FAM20C: variants seen among roughly 807,000 people sequenced by gnomAD.
FAM20C encodes the protein FAM20C golgi associated secretory pathway kinase.
FAM20C carries 40 observed loss-of-function variants against 51.5 expected under a neutral mutation model. The observed-to-expected ratio is 0.78, with a 90% CI of 0.60 to 1.01. The LOEUF (loss-of-function observed/expected upper bound fraction) is 1.01, where lower values mean the gene tolerates loss of function less well. Ranked by LOEUF, FAM20C falls within the 50% of genes least tolerant of loss-of-function variation. FAM20C has a pLI of 0.00. For synonymous variants in FAM20C, 406 were observed against 380.6 expected, an observed-to-expected ratio of 1.07 and a Z score of -0.78; for missense variants, 861 against 844.7, an observed-to-expected ratio of 1.02 and a Z score of -0.24.
At chr7:256,180 C>A in intron 6 of FAM20C, 151 bp downstream of exon 6, 1 of 1,011,582 alleles carries the variant, frequency 9.9e-7, no homozygotes, top group Non-Finnish European at 1.4e-6. Context: ...ATGACCGCTT[C>A]CTGATGAGAC....
At chr7:244,297 C>G (rs1412492578) in intron 3 of FAM20C, among the ~76,000 whole-genome samples, 1 of 152,168 alleles carries the variant, frequency 6.6e-6, no homozygotes, top group Non-Finnish European at 1.5e-5. Context: ...AACTAGTGTT[C>G]TGTGGAATGA....
At chr7:255,465 T>G (rs1008201593) in intron 5 of FAM20C, among the ~76,000 whole-genome samples, 1 of 152,254 alleles carries the variant, frequency 6.6e-6, no homozygotes, top group African/African-American at 2.4e-5. Context: ...TCATACACTC[T>G]AAATGCTAGA....
intron 4 of FAM20C, among the ~76,000 whole-genome samples, chr7:248,007 T>C (rs1788236222): frequency 6.6e-6 from 1 of 152,232 alleles, no homozygotes; most frequent in Non-Finnish European, 1.5e-5. Flanking sequence ...TCCTTTAATT[T>C]AATTTTGTTT....
intron 3 of FAM20C, among the ~76,000 whole-genome samples, chr7:217,929 T>A (rs971753014): frequency 6.6e-6 from 1 of 152,032 alleles, no homozygotes; most frequent in African/African-American, 2.4e-5. Flanking sequence ...CTTTAATTGA[T>A]GTTCTATTGA....
chr7:215,260 G>A (rs1786910279), intron 3 of FAM20C, among the ~76,000 whole-genome samples: 1 of 114,590 alleles, frequency 8.7e-6, no homozygotes, highest in East Asian at 2.4e-4. Context: ...GGTGTATGGA[G>A]AGGATGGAGC....
chr7:253,686 G>A (rs975668081), intron 5 of FAM20C, among the ~76,000 whole-genome samples: 2 of 135,640 alleles, frequency 1.5e-5, no homozygotes, highest in African/African-American at 5.6e-5. Context: ...CACAGAGCAG[G>A]GAGGCACTTG....
At chr7:228,725 G>T (rs1040555188) in intron 3 of FAM20C, 3 of 456,124 alleles carry the variant, frequency 6.6e-6, no homozygotes, top group East Asian at 6.9e-5. Context: ...GCACCTGTGG[G>T]TCCATCCCAC....
Position 195,656 on chromosome 7 carries a change from C to T in FAM20C, c.708C>T (p.Tyr236=), listed in dbSNP as rs545268162. 94 of 1,611,260 alleles carry T rather than the reference C, an allele frequency of 5.8e-5. No individual in the cohort carries two copies. Among genetic ancestry groups the T allele is most frequent in the Middle Eastern group, 1.7e-4 (1 of 6,060 alleles). The change falls in exon 2 of 10, where the codon TAC becomes TAT. Residue 236 remains tyrosine (Y), a synonymous_variant. Coordinates refer to ENST00000313766, the MANE Select transcript of FAM20C (RefSeq NM_020223.4). ...AGTTCCACATTGGTATCAACCGGTA[C>T]GAGCTGTACTCCAGACACAACCCGG... ...WLKFHIGINR[Y]ELYSRHNPAI...
At chr7:231,046 G>A (rs914828683) in intron 3 of FAM20C, among the ~76,000 whole-genome samples, 1 of 152,130 alleles carries the variant, frequency 6.6e-6, no homozygotes, top group Non-Finnish European at 1.5e-5. Context: ...AAGACGGCCT[G>A]GGAGATGATG....
intron 3 of FAM20C, among the ~76,000 whole-genome samples, chr7:241,852 G>A (rs1787957306): frequency 1.4e-5 from 2 of 148,024 alleles, no homozygotes; most frequent in Admixed American, 1.3e-4. Flanking sequence ...TGAGCGTGCA[G>A]GTGTGTGTGT....
rs1025515102 is a variant in FAM20C at position 223,569 on chromosome 7, G to A, written c.863+14593G>A. On this transcript the variant is annotated intron_variant, in intron 3 of 9. Transcript: ENST00000313766. ...GATGCCGTGGGGCGGACATGTCCCT[G>A]CAAGTGACGTCTGCAGCCGGCTCGT... Among the ~76,000 whole-genome samples the A allele has an allele frequency of 6.6e-5, 10 of 152,324 alleles. 1 individual carries two copies. In the South Asian group the frequency reaches 1.7e-3, roughly 25 times the overall value.
chr7:195,804 T>C, intron 2 of FAM20C, 72 bp downstream of exon 2: 1 of 1,414,056 alleles, frequency 7.1e-7, no homozygotes, highest in Non-Finnish European at 9.3e-7. Flanking sequence ...TGGGGCAGGC[T>C]ATGTGTTAGA....
rs969518122 is a variant in FAM20C, at chr7:227,250, G to A, written c.863+18274G>A. 2.0e-5 allele frequency among the ~76,000 whole-genome samples: 3 copies of A among 152,026 alleles called. No homozygotes were observed. The South Asian group carries it at 6.2e-4, about 32-fold the overall frequency. ...ATCGTTCTAATTGTCACGAAAGGGA[G>A]GGAAGATTAAAAGGACGGGAAAGAA... On this transcript the variant is annotated intron_variant, in intron 3 of 9. Transcript: ENST00000313766.
chr7:229,075 C>T (rs1787561117), intron 3 of FAM20C: 1 of 347,234 alleles, frequency 2.9e-6, no homozygotes, highest in African/African-American at 2.2e-5. Context: ...CCACGGGGGC[C>T]ACTCTAGGAC....
chr7:204,778 G>T (rs1243088583), intron 2 of FAM20C, among the ~76,000 whole-genome samples: 1 of 152,230 alleles, frequency 6.6e-6, no homozygotes, highest in African/African-American at 2.4e-5. Flanking sequence ...CTGTGCTCAG[G>T]GAGGGAATGT....
intron 5 of FAM20C, among the ~76,000 whole-genome samples, chr7:254,925 T>C (rs1788532352): frequency 7.5e-6 from 1 of 133,760 alleles, no homozygotes; most frequent in Admixed American, 7.1e-5. Flanking sequence ...TCATTCCTCT[T>C]CTTGTTTCAT....
chr7:255,743 A>G (rs997106946), intron 5 of FAM20C, 106 bp from the exon 6 acceptor site: 1 of 1,250,590 alleles, frequency 8.0e-7, no homozygotes, highest in African/African-American at 1.5e-5. Flanking sequence ...AGTCCTGCCC[A>G]TGAGAAGCAC....
intron 3 of FAM20C, among the ~76,000 whole-genome samples, chr7:231,403 G>A (rs1036129745): frequency 2.4e-4 from 37 of 151,480 alleles, no homozygotes; most frequent in African/African-American, 7.8e-4. Context: ...GGGTCCCGGC[G>A]TCGAGGGCCG....
chr7:214,434 T>A (rs1412266995), intron 3 of FAM20C, among the ~76,000 whole-genome samples: 2 of 152,264 alleles, frequency 1.3e-5, no homozygotes, highest in Non-Finnish European at 1.5e-5. Context: ...TTACTTTTGT[T>A]ATTCTCGTGC....
Sources: gnomAD v4.1 joint callset for allele counts (sites outside exome capture counted in the v4.1 genomes callset) on GRCh38, gnomAD v4.1.1 for gene constraint, MANE v1.5 for transcripts, NCBI Gene and HGNC (gene_info 2026-07-23, HGNC 2026-07-21) for gene names.